The following PAG1 variants were observed in gnomAD, a reference collection of about 807,000 sequenced individuals.
PAG1 encodes the protein phosphoprotein membrane anchor with glycosphingolipid microdomains 1, also known as phosphoprotein associated with glycosphingolipid-enriched microdomains 1.
Under a neutral mutation model 31.7 loss-of-function variants are expected in PAG1, and 23 were observed. The observed-to-expected ratio is 0.73, with a 90% CI of 0.52 to 1.03. The LOEUF (loss-of-function observed/expected upper bound fraction) is 1.03. Among genes scored for constraint, PAG1 ranks in the 50% least tolerant of loss-of-function variants. PAG1 has a pLI of 0.00. For missense variants in PAG1, 473 were observed against 540.7 expected, an observed-to-expected ratio of 0.87 and a Z score of 1.24; for synonymous variants, 214 against 210.3, an observed-to-expected ratio of 1.02 and a Z score of -0.15.
At chr8:81,107,717 T>C (rs1809715562) in intron 1 of PAG1, among the ~76,000 whole-genome samples, 1 of 152,242 alleles carries the variant, frequency 6.6e-6, no homozygotes, top group Admixed American at 6.5e-5. Context: ...ACTAGAAATG[T>C]GGTCATATAA....
chr8:81,028,063 C>G (rs1050876572), intron 3 of PAG1, among the ~76,000 whole-genome samples: 15 of 152,162 alleles, frequency 9.9e-5, no homozygotes, highest in African/African-American at 3.6e-4. Flanking sequence ...TCTGTGAACA[C>G]AGCAGCCTGG....
In PAG1 at chr8:80,991,511, G is replaced by A. The variant is rs755707986; in HGVS notation, c.145C>T (p.His49Tyr). ...SCDREKKPRQ[H>Y]SGDHENLMNV... is the part of the protein sequence containing the mutation. ...ATCAGGTTCTCATGGTCCCCACTAT[G>A]CTGTCGCGGCTTCTTTTCCCTGAAA... Residue 49 changes from histidine (H) to tyrosine (Y), a missense_variant, in exon 5 of 9, where the codon CAT becomes TAT. By Grantham distance (83) the His-to-Tyr change is moderately conservative. Transcript: ENST00000220597. 3.1e-6 allele frequency: 5 copies of A among 1,613,476 alleles called. No homozygotes were observed. Among genetic ancestry groups the A allele is most frequent in the Non-Finnish European group, 4.2e-6 (5 of 1,179,386 alleles).
chr8:80,984,325 G>C (rs1807369275), intron 7 of PAG1, among the ~76,000 whole-genome samples: 1 of 152,138 alleles, frequency 6.6e-6, no homozygotes, highest in Non-Finnish European at 1.5e-5. Context: ...TGTACAATCA[G>C]ATATAACCAG....
At chr8:81,041,727 G>A (rs1001119420) in intron 2 of PAG1, among the ~76,000 whole-genome samples, 2 of 152,074 alleles carry the variant, frequency 1.3e-5, no homozygotes, top group East Asian at 1.9e-4. Flanking sequence ...TGCATGCTAC[G>A]AATTAGTGAA....
Position 81,111,594 on chromosome 8 carries a change from G to T in PAG1, c.-237C>A, listed in dbSNP as rs972282026. On this transcript the variant is annotated 5_prime_UTR_variant, in exon 1 of 9. Coordinates refer to ENST00000220597, the MANE Select transcript of PAG1 (RefSeq NM_018440.4). Reference sequence around the variant, plus strand: ...TCAGAAACTACAGTCAACTTACTGGGACTCAGGAGGCAGGGAGTCTTCCTG... The same window carrying T: ...TCAGAAACTACAGTCAACTTACTGGTACTCAGGAGGCAGGGAGTCTTCCTG... 9 of 152,428 alleles carry T rather than the reference G, an allele frequency of 5.9e-5. No individual in the cohort carries two copies. Among genetic ancestry groups the T allele is most frequent in the Non-Finnish European group, 1.3e-4 (9 of 68,064 alleles). 9.4% of individuals were successfully genotyped at this position (152,428 alleles called of 1,614,324 possible). A position where few individuals can be genotyped will look rare whatever the true frequency, so the allele number is the denominator to read the frequency against.
At chr8:81,082,911 CT>C (rs962168818) in intron 1 of PAG1, among the ~76,000 whole-genome samples, 10 of 148,314 alleles carry the variant, frequency 6.7e-5, no homozygotes, top group East Asian at 2.0e-4. Context: ...CTGTTGACTG[CT>C]TTTTTTTTTC....
intron 1 of PAG1, among the ~76,000 whole-genome samples, chr8:81,084,357 T>G (rs1363370647): frequency 3.3e-5 from 5 of 151,912 alleles, no homozygotes; most frequent in Non-Finnish European, 7.3e-5. Context: ...AAAGGCTGCA[T>G]CCAATAGTAG....
intron 3 of PAG1, among the ~76,000 whole-genome samples, chr8:80,999,912 C>T (rs564532801): frequency 6.0e-4 from 91 of 152,062 alleles, no homozygotes; most frequent in Non-Finnish European, 1.0e-3. Flanking sequence ...GAGAGAGACA[C>T]GAGAGAGGGA....
At chr8:81,045,253 T>C (rs1211003295) in intron 2 of PAG1, among the ~76,000 whole-genome samples, 1 of 152,230 alleles carries the variant, frequency 6.6e-6, no homozygotes, top group African/African-American at 2.4e-5. Context: ...CCACTGATAA[T>C]GGCTGAAGAG....
intron 2 of PAG1, among the ~76,000 whole-genome samples, chr8:81,031,832 C>A (rs1377556008): frequency 6.6e-6 from 1 of 152,180 alleles, no homozygotes; most frequent in Non-Finnish European, 1.5e-5. Context: ...GTCATCAAGA[C>A]ACTGTGGTGC....
At chr8:81,104,386 CTTTTT>C (rs34291180) in intron 1 of PAG1, among the ~76,000 whole-genome samples, 4 of 138,234 alleles carry the variant, frequency 2.9e-5, no homozygotes, top group South Asian at 4.8e-4. Flanking sequence ...GGCCTTCGTC[CTTTTT>C]TTTTTTTTTT....
intron 3 of PAG1, among the ~76,000 whole-genome samples, chr8:81,007,432 G>A (rs537736135): frequency 1.4e-4 from 21 of 148,612 alleles, no homozygotes; most frequent in African/African-American, 4.0e-4. Flanking sequence ...TGGCCAACAC[G>A]GTGAAACCCC....
At chr8:81,091,822 A>AAAGAAG (rs138634354) in intron 1 of PAG1, among the ~76,000 whole-genome samples, 28 of 149,386 alleles carry the variant, frequency 1.9e-4, no homozygotes, top group Admixed American at 5.9e-4. Context: ...CAGGATGAAG[A>AAAGAAG]AAGAAGAAGA....
At chr8:81,075,851 C>T (rs1471402641) in intron 1 of PAG1, among the ~76,000 whole-genome samples, 1 of 152,180 alleles carries the variant, frequency 6.6e-6, no homozygotes, top group East Asian at 1.9e-4. Flanking sequence ...ATTATATGTG[C>T]CTACTTGAGT....
chr8:81,007,385 G>A (rs1807900896), intron 3 of PAG1, among the ~76,000 whole-genome samples: 1 of 151,440 alleles, frequency 6.6e-6, no homozygotes, highest in Admixed American at 6.6e-5. Context: ...AGGCTGAGGT[G>A]TGTGGATTAC....
chr8:81,010,783 CCCAA>C (rs1165843950), intron 3 of PAG1, among the ~76,000 whole-genome samples: 2 of 152,230 alleles, frequency 1.3e-5, no homozygotes, highest in African/African-American at 4.8e-5. Context: ...GGCAGGTGGA[CCCAA>C]CCATTCCAGC....
At chr8:81,016,597 T>C (rs1487587990) in intron 3 of PAG1, among the ~76,000 whole-genome samples, 1 of 152,194 alleles carries the variant, frequency 6.6e-6, no homozygotes, top group Non-Finnish European at 1.5e-5. Context: ...AATGTTACCA[T>C]TTCTCAGGAA....
intron 1 of PAG1, among the ~76,000 whole-genome samples, chr8:81,073,918 C>G (rs899874710): frequency 6.6e-6 from 1 of 152,076 alleles, no homozygotes; most frequent in African/African-American, 2.4e-5. Context: ...GGGGGGGAGG[C>G]AGGTCAGAGG....
chr8:81,015,617 C>G (rs942745865), intron 3 of PAG1, among the ~76,000 whole-genome samples: 1 of 152,154 alleles, frequency 6.6e-6, no homozygotes, highest in Non-Finnish European at 1.5e-5. Flanking sequence ...TTCTAATTTT[C>G]ATAGGAAAAA....
Sources: allele counts gnomAD v4.1 joint callset (sites outside exome capture counted in the v4.1 genomes callset), GRCh38; gene constraint gnomAD v4.1.1; transcripts MANE v1.5; gene names NCBI Gene and HGNC (gene_info 2026-07-23, HGNC 2026-07-21).